ANO3: variants seen among roughly 807,000 people sequenced by gnomAD.
ANO3 encodes anoctamin 3.
Under a neutral mutation model 144.8 loss-of-function variants are expected in ANO3, and 99 were observed. That is an observed-to-expected ratio of 0.68 (90% CI 0.58 to 0.81). The LOEUF is 0.81. Among genes scored for constraint, ANO3 ranks in the 30% least tolerant of loss-of-function variants. ANO3 has a pLI of 0.00. For synonymous variants in ANO3, 414 were observed against 392.6 expected, an observed-to-expected ratio of 1.05 and a Z score of -0.64; for missense variants, 905 against 1,202.2, an observed-to-expected ratio of 0.75 and a Z score of 3.66.
At chr11:26,344,396 C>T (rs2133903957) in intron 1 of ANO3, among the ~76,000 whole-genome samples, 1 of 138,154 alleles carries the variant, frequency 7.2e-6, no homozygotes, top group Non-Finnish European at 1.5e-5. Context: ...GATGGAGTCT[C>T]ACTCTGTCGC....
intron 1 of ANO3, among the ~76,000 whole-genome samples, chr11:26,255,620 T>C (rs1314734311): frequency 6.6e-6 from 1 of 152,108 alleles, no homozygotes; most frequent in Non-Finnish European, 1.5e-5. Flanking sequence ...ATAAAAAAGA[T>C]GGGAGGGGGG....
At chr11:26,486,348 G>A (rs1454134550) in intron 4 of ANO3, among the ~76,000 whole-genome samples, 12 of 122,394 alleles carry the variant, frequency 9.8e-5, no homozygotes, top group Non-Finnish European at 1.3e-4. Context: ...GCGACAGAGT[G>A]AGACTCTGTC....
chr11:26,567,403 C>T lies in ANO3; in HGVS notation c.1447+7624C>T, dbSNP rs1850633146. Among the ~76,000 whole-genome samples, 3 of 151,880 alleles carry T rather than the reference C, an allele frequency of 2.0e-5. No homozygotes were observed. In the South Asian group the frequency reaches 6.2e-4, roughly 31 times the overall value. Reference sequence around the variant, plus strand: ...TCTTGTATTGTGTGCCATTTCTCAACAGCTCTCTGAAATTTTTACAAATAT... The same window carrying T: ...TCTTGTATTGTGTGCCATTTCTCAATAGCTCTCTGAAATTTTTACAAATAT... On this transcript the variant is annotated intron_variant, in intron 14 of 26. Coordinates refer to ENST00000256737, the MANE Select transcript of ANO3 (RefSeq NM_031418.4).
chr11:26,369,410 C>T (rs527804360), intron 1 of ANO3, among the ~76,000 whole-genome samples: 3 of 152,268 alleles, frequency 2.0e-5, no homozygotes, highest in African/African-American at 7.2e-5. Context: ...CCTCCTTCCC[C>T]TACTCATTCT....
chr11:26,203,498 T>G (rs2133914404), intron 1 of ANO3, among the ~76,000 whole-genome samples: 1 of 152,128 alleles, frequency 6.6e-6, no homozygotes, highest in South Asian at 2.1e-4. Context: ...TATACTGAAT[T>G]ACACAAAGAT....
chr11:26,534,317 C>T (rs920720403), intron 8 of ANO3, 139 bp from the exon 9 acceptor site: 1 of 537,354 alleles, frequency 1.9e-6, no homozygotes, highest in African/African-American at 1.9e-5. Context: ...TTCTTTTTCT[C>T]TGTCAATTTT....
At chr11:26,526,983 A>G (rs1388453069) in intron 7 of ANO3, among the ~76,000 whole-genome samples, 2 of 152,090 alleles carry the variant, frequency 1.3e-5, no homozygotes, top group African/African-American at 2.4e-5. Flanking sequence ...TTATTGTTGG[A>G]TGGCTGATAA....
Position 26,488,561 on chromosome 11 carries a change from G to T in ANO3, c.433-19543G>T, listed in dbSNP as rs145168287. Among the ~76,000 whole-genome samples, 449 of 152,258 alleles carry T rather than the reference G, an allele frequency of 2.9e-3. 1 individual carries two copies. Among genetic ancestry groups the T allele is most frequent in the African/African-American group, 0.01 (434 of 41,554 alleles). ...CTCCGGACTTTCTTCCTTCTGGTGG[G>T]TTCTTGGTCTTGCTGACTTCAGGAG... On this transcript the variant is annotated intron_variant, in intron 4 of 26. Coordinates refer to ENST00000256737, the MANE Select transcript of ANO3 (RefSeq NM_031418.4).
At position 26,547,434 on chromosome 11, in the gene ANO3, G is replaced by A; in HGVS notation, c.1173G>A (p.Lys391=). The A allele has an allele frequency of 6.2e-7, 1 of 1,611,790 alleles. No homozygotes were observed. The highest frequency in any genetic ancestry group is 8.5e-7 in the Non-Finnish European group (1 of 1,178,366). Residue 391 remains lysine (K), a synonymous_variant, in exon 12 of 27, where the codon AAG becomes AAA. Transcript: ENST00000256737. ...CATGCAGGCTATACTTTGGTGAGAA[G>A]ATTGGACTATACTTTGCTTGGCTGG... ...LDLIRLYFGE[K]IGLYFAWLGW...
At chr11:26,577,013 CT>C (rs1851004022) in intron 14 of ANO3, among the ~76,000 whole-genome samples, 1 of 151,914 alleles carries the variant, frequency 6.6e-6, no homozygotes, top group South Asian at 2.1e-4. Flanking sequence ...TGAAACTTGA[CT>C]TTTTTTTCAC....
At chr11:26,531,098 A>G (rs1849359475) in intron 7 of ANO3, 107 bp from the exon 8 acceptor site, 3 of 1,257,626 alleles carry the variant, frequency 2.4e-6, no homozygotes, top group South Asian at 2.8e-5. Context: ...AGGTTTGTGT[A>G]TCTCTTTTCA....
At chr11:26,584,433 A>G (rs908440752) in intron 14 of ANO3, among the ~76,000 whole-genome samples, 2 of 152,204 alleles carry the variant, frequency 1.3e-5, no homozygotes, top group Admixed American at 1.3e-4. Flanking sequence ...TGCTGGGATT[A>G]TAGGCCTTCC....
chr11:26,661,916 C>T lies in ANO3; in HGVS notation c.*1472C>T, dbSNP rs1347636950. On this transcript the variant is annotated 3_prime_UTR_variant, in exon 27 of 27. Coordinates refer to ENST00000256737, the MANE Select transcript of ANO3 (RefSeq NM_031418.4). ...TTCTTTGCAAAACAAGGAAATCACA[C>T]ATATGCACACATACATATTTATGGT... 2 of 152,010 alleles carry T rather than the reference C, an allele frequency of 1.3e-5. No individual in the cohort carries two copies. The highest frequency in any genetic ancestry group is 2.9e-5 in the Non-Finnish European group (2 of 67,962). 9.4% of individuals were successfully genotyped at this position (152,010 alleles called of 1,614,324 possible).
chr11:26,595,999 T>C (rs554380447), intron 14 of ANO3, among the ~76,000 whole-genome samples: 1 of 152,308 alleles, frequency 6.6e-6, no homozygotes, highest in South Asian at 2.1e-4. Context: ...AGGAAGGCTA[T>C]GGGTTGTCAG....
rs554633001 is a variant in ANO3, at chr11:26,537,532, A to T, written c.1032+71A>T. 1,725 of 1,284,964 alleles carry T rather than the reference A, an allele frequency of 1.3e-3. 7 individuals are homozygous for T. Among genetic ancestry groups the T allele is most frequent in the Non-Finnish European group, 1.8e-3 (1,547 of 880,078 alleles). The allele number at this position is 1,284,964 out of a possible 1,614,324, so 79.6% of individuals were successfully genotyped here. A position where few individuals can be genotyped will look rare whatever the true frequency, so the allele number is the denominator to read the frequency against. On this transcript the variant is annotated intron_variant, in intron 10 of 26. Coordinates refer to ENST00000256737, the MANE Select transcript of ANO3 (RefSeq NM_031418.4). Reference sequence around the variant, plus strand: ...CTCAATGCTTGGTCCTGTTGTTTGCATTTGAATCTAGCTGTCCACTCCCAG... The same window carrying T: ...CTCAATGCTTGGTCCTGTTGTTTGCTTTTGAATCTAGCTGTCCACTCCCAG...
At chr11:26,490,938 A>G (rs74357607) in intron 4 of ANO3, among the ~76,000 whole-genome samples, 1 of 152,116 alleles carries the variant, frequency 6.6e-6, no homozygotes, top group Non-Finnish European at 1.5e-5. Context: ...TTATTCCTAC[A>G]CCATGGTGGT....
At chr11:26,279,887 C>T (rs1226818331) in intron 1 of ANO3, among the ~76,000 whole-genome samples, 1 of 152,156 alleles carries the variant, frequency 6.6e-6, no homozygotes, top group Non-Finnish European at 1.5e-5. Context: ...CCAATACTTG[C>T]TCTTATTAAT....
At chr11:26,510,157 T>TAAAAAAAAAA (rs1861609100) in intron 5 of ANO3, among the ~76,000 whole-genome samples, 2 of 39,888 alleles carry the variant, frequency 5.0e-5, no homozygotes, top group Non-Finnish European at 4.5e-5. Context: ...AAAAAAAGAG[T>TAAAAAAAAAA]AGAAAAGAAA....
intron 1 of ANO3, among the ~76,000 whole-genome samples, chr11:26,350,723 A>AT (rs1855626180): frequency 6.6e-6 from 1 of 152,100 alleles, no homozygotes; most frequent in African/African-American, 2.4e-5. Flanking sequence ...AATTGAATAC[A>AT]TTTTTGTTAC....
Sources: allele counts gnomAD v4.1 joint callset (sites outside exome capture counted in the v4.1 genomes callset), GRCh38; gene constraint gnomAD v4.1.1; transcripts MANE v1.5; gene names NCBI Gene and HGNC (gene_info 2026-07-23, HGNC 2026-07-21).